BAIAP3: variants seen among roughly 807,000 people sequenced by gnomAD.
The protein encoded by BAIAP3 is BAI1-associated protein 3.
In BAIAP3, 180 loss-of-function variants were observed where a neutral mutation model predicts 149.7. The observed-to-expected ratio is 1.20, with a 90% CI of 1.07 to 1.36. The LOEUF (loss-of-function observed/expected upper bound fraction) is 1.36, where lower values mean the gene tolerates loss of function less well. BAIAP3 is among the 40% of genes most tolerant of loss of function. The probability of loss-of-function intolerance (pLI) is 0.00; values close to 1 mark genes in which losing one functional copy is unlikely to be tolerated. For synonymous variants in BAIAP3, 845 were observed against 670.7 expected, an observed-to-expected ratio of 1.26 and a Z score of -4.02; for missense variants, 1,767 against 1,563.4, an observed-to-expected ratio of 1.13 and a Z score of -2.20.
At position 1,347,837 on chromosome 16, in the gene BAIAP3, G is replaced by T. The variant is rs754823300; in HGVS notation, c.3025+16G>T. 4.4e-6 allele frequency: 7 copies of T among 1,603,870 alleles called. No individual in the cohort carries two copies. Among genetic ancestry groups the T allele is most frequent in the Non-Finnish European group, 6.0e-6 (7 of 1,174,438 alleles). ...GACGCCAACGGTGAGTTGCAGCGGG[G>T]ACGGGTCGGGTGGTGGTGGGATGGG... On this transcript the variant is annotated intron_variant, in intron 31 of 33. Coordinates refer to ENST00000426824, the MANE Select transcript of BAIAP3 (RefSeq NM_001199097.2).
At chr16:1,338,333 G>A (rs1057290682) in intron 1 of BAIAP3, among the ~76,000 whole-genome samples, 1 of 152,134 alleles carries the variant, frequency 6.6e-6, no homozygotes, top group African/African-American at 2.4e-5. Flanking sequence ...CCTGCAGGGG[G>A]CGCAGGGACT....
intron 28 of BAIAP3, 127 bp downstream of exon 28, chr16:1,347,082 A>G (rs2034428217): frequency 5.2e-6 from 5 of 964,782 alleles, no homozygotes; most frequent in Middle Eastern, 2.8e-4. Context: ...GGCTGTCCAC[A>G]GCGCCTCCTC....
At position 1,338,931 on chromosome 16, in the gene BAIAP3, C is replaced by G. The variant is rs1315741593; in HGVS notation, c.161C>G (p.Ala54Gly). The G allele has an allele frequency of 6.2e-7, 1 of 1,613,108 alleles. No individual in the cohort carries two copies. The highest frequency in any genetic ancestry group is 8.5e-7 in the Non-Finnish European group (1 of 1,179,948). ...WKPGDGVEFFAHMRLMLKKGE... is the reference protein window; with the variant it reads ...WKPGDGVEFFGHMRLMLKKGE... ...CCCGGGGATGGCGTGGAGTTCTTTG[C>G]CCACATGCGCCTCATGCTGAAGAAG... Residue 54 changes from alanine (A) to glycine (G), a missense_variant, in exon 3 of 34, where the codon GCC becomes GGC. By Grantham distance (60) the Ala-to-Gly change is moderately conservative. Coordinates refer to ENST00000426824, the MANE Select transcript of BAIAP3 (RefSeq NM_001199097.2).
In BAIAP3 at chr16:1,348,491, G is replaced by C; in HGVS notation, c.*9G>C. 1 of 1,600,354 alleles carries C rather than the reference G, an allele frequency of 6.2e-7. No homozygotes were observed. The highest frequency in any genetic ancestry group is 8.5e-7 in the Non-Finnish European group (1 of 1,174,522). On this transcript the variant is annotated 3_prime_UTR_variant, in exon 34 of 34. Coordinates refer to ENST00000426824, the MANE Select transcript of BAIAP3 (RefSeq NM_001199097.2). ...TGGAGGCGGACCCCTGAGTCCATCAGCTGCCAGCCCCGGCCCTGGCCCCCA... is the reference window on the plus strand; with the variant it reads ...TGGAGGCGGACCCCTGAGTCCATCACCTGCCAGCCCCGGCCCTGGCCCCCA...
Position 1,347,345 on chromosome 16 carries a change from G to A in BAIAP3, c.2799G>A (p.Glu933=), listed in dbSNP as rs369775221. ...CAGAGGGTCAGGGTTTGCCCCTGGA[G>A]AGCCTGAGGGATGGAAGCTACAAGG... ...FHAEGQGLPL[E]SLRDGSYKRL... is the part of the protein sequence containing the mutation. Residue 933 remains glutamate (E), a synonymous_variant, in exon 29 of 34, where the codon GAG becomes GAA. Transcript: ENST00000426824. 11 of 1,613,472 alleles carry A rather than the reference G, an allele frequency of 6.8e-6. No homozygotes were observed. The highest frequency in any genetic ancestry group is 4.0e-5 in the African/African-American group (3 of 74,916).
At chr16:1,338,452 C>CGGGGGGGGGGGGGGGG in intron 1 of BAIAP3, 88 bp from the exon 2 acceptor site, 3 of 211,092 alleles carry the variant, frequency 1.4e-5, no homozygotes, top group East Asian at 1.5e-4. Flanking sequence ...CACCTCTTCC[C>CGGGGGGGGGGGGGGGG]GCCCCACCCC....
At chr16:1,346,412 G>T in intron 25 of BAIAP3, 30 bp from the exon 26 acceptor site, 1 of 1,612,062 alleles carries the variant, frequency 6.2e-7, no homozygotes, top group South Asian at 1.1e-5. Context: ...GGTGCCCCCT[G>T]CCCGTGCTGA....
Position 1,348,853 on chromosome 16 carries a change from C to T in BAIAP3, c.*371C>T. The T allele has an allele frequency of 2.6e-6, 1 of 380,084 alleles. No homozygotes were observed. The highest frequency in any genetic ancestry group is 4.9e-6 in the Non-Finnish European group (1 of 204,182). The allele number at this position is 380,084 out of a possible 1,614,324, so 23.5% of individuals were successfully genotyped here. ...TCCAGGGACTCAGTGAGTGGCTGTG[C>T]TCTCTGCACAACGGGCAATGTGCAG... is the stretch of plus-strand genomic sequence containing the variant. On this transcript the variant is annotated 3_prime_UTR_variant, in exon 34 of 34. Coordinates refer to ENST00000426824, the MANE Select transcript of BAIAP3 (RefSeq NM_001199097.2).
intron 1 of BAIAP3, chr16:1,334,542 C>A: frequency 1.1e-6 from 1 of 884,138 alleles, no homozygotes; most frequent in South Asian, 1.7e-5. Flanking sequence ...CCTCGGGCTC[C>A]GGTCTCCTGC....
At chr16:1,334,252 C>T (rs932095939) in intron 1 of BAIAP3, among the ~76,000 whole-genome samples, 44 of 152,066 alleles carry the variant, frequency 2.9e-4, no homozygotes, top group Non-Finnish European at 5.7e-4. Context: ...TGCAAAGCGG[C>T]CCCTCCTTCA....
rs181154461 is a variant in BAIAP3 at position 1,345,223 on chromosome 16, G to A, written c.1941-26G>A. On this transcript the variant is annotated intron_variant, in intron 21 of 33. Transcript: ENST00000426824. ...TGGTTAAGGTGTCTGAGTCAGGGCCGAGCCCTCACAACCCTCCCACCACAG... is the reference window on the plus strand; with the variant it reads ...TGGTTAAGGTGTCTGAGTCAGGGCCAAGCCCTCACAACCCTCCCACCACAG... 175 of 1,611,418 alleles carry A rather than the reference G, an allele frequency of 1.1e-4. No homozygotes were observed. In the African/African-American group the frequency reaches 1.3e-3, roughly 12 times the overall value.
chr16:1,349,296 G>A lies in BAIAP3; in HGVS notation c.*814G>A. The A allele has an allele frequency of 1.1e-6, 1 of 926,990 alleles. No homozygotes were observed. The highest frequency in any genetic ancestry group is 2.2e-4 in the Middle Eastern group (1 of 4,572). The allele number at this position is 926,990 out of a possible 1,614,324, so 57.4% of individuals were successfully genotyped here. On this transcript the variant is annotated 3_prime_UTR_variant, in exon 34 of 34. Coordinates refer to ENST00000426824, the MANE Select transcript of BAIAP3 (RefSeq NM_001199097.2). Reference sequence around the variant, plus strand: ...CCGAGGCAGGACACAGAGCACAGCTGTGCTGGAAGTGTGGGGAGAACCCGG... The same window carrying A: ...CCGAGGCAGGACACAGAGCACAGCTATGCTGGAAGTGTGGGGAGAACCCGG...
In BAIAP3 at chr16:1,347,563, C is replaced by T. The variant is rs199818225; in HGVS notation, c.2842C>T (p.Arg948Trp). 62 of 1,610,488 alleles carry T rather than the reference C, an allele frequency of 3.8e-5. No individual in the cohort carries two copies. Among genetic ancestry groups the T allele is most frequent in the Non-Finnish European group, 4.8e-5 (57 of 1,178,928 alleles). ...CCTGCAGAGGCTGAAGGAGGAGCTG[C>T]GGCTGCACAAATGTTCCACCCGCGA... ...GSYKRLKEEL[R>W]LHKCSTRECI... Residue 948 changes from arginine (R) to tryptophan (W), a missense_variant, in exon 30 of 34, where the codon CGG (arginine) becomes TGG (tryptophan). Physicochemically the swap from Arg to Trp is moderately radical, Grantham distance 101. Coordinates refer to ENST00000426824, the MANE Select transcript of BAIAP3 (RefSeq NM_001199097.2).
intron 1 of BAIAP3, among the ~76,000 whole-genome samples, chr16:1,336,772 G>A (rs1016263880): frequency 3.3e-5 from 5 of 152,190 alleles, no homozygotes; most frequent in African/African-American, 7.2e-5. Context: ...CTGAGTGGGC[G>A]GTAGAACCTG....
chr16:1,345,799 G>T lies in BAIAP3; in HGVS notation c.2117G>T (p.Gly706Val), dbSNP rs2034313976. ...SRHSSSAATA[G>V]LCLSHIQELW... Reference sequence around the variant, plus strand: ...CACAGCAGCTCCGCAGCCACTGCTGGTCTCTGCCTCAGCCACATCCAGGAG... The same window carrying T: ...CACAGCAGCTCCGCAGCCACTGCTGTTCTCTGCCTCAGCCACATCCAGGAG... Residue 706 changes from glycine to valine, a missense_variant, in exon 23 of 34, where the codon GGT (glycine) becomes GTT (valine). Physicochemically the swap from Gly to Val is moderately radical, Grantham distance 109. Coordinates refer to ENST00000426824, the MANE Select transcript of BAIAP3 (RefSeq NM_001199097.2). 6.3e-7 allele frequency: 1 copy of T among 1,575,920 alleles called. No individual in the cohort carries two copies. The highest frequency in any genetic ancestry group is 1.2e-5 in the South Asian group (1 of 86,526).
Position 1,342,730 on chromosome 16 carries a change from C to A in BAIAP3, c.1077C>A (p.Ala359=), listed in dbSNP as rs779912148. The change falls in exon 13 of 34, where the codon GCC becomes GCA. Residue 359 remains alanine (A), a synonymous_variant. Transcript: ENST00000426824. ...GCTCTGCGTTGCAGAGGGATACGGC[C>A]ATGAGCCAGCGCGGGCGATCCGGCT... ...LKLITTQRDT[A]MSQRGRSGFL... 6.2e-7 allele frequency: 1 copy of A among 1,612,528 alleles called. No individual in the cohort carries two copies. Among genetic ancestry groups the A allele is most frequent in the South Asian group, 1.1e-5 (1 of 91,058 alleles).
chr16:1,336,353 T>C, intron 1 of BAIAP3: 2 of 985,288 alleles, frequency 2.0e-6, no homozygotes, highest in Non-Finnish European at 2.4e-6. Context: ...CCCCCCATCT[T>C]TTGGGGGGGA....
chr16:1,348,947 G>C lies in BAIAP3; in HGVS notation c.*465G>C. On this transcript the variant is annotated 3_prime_UTR_variant, in exon 34 of 34. Coordinates refer to ENST00000426824, the MANE Select transcript of BAIAP3 (RefSeq NM_001199097.2). The stretch of plus-strand genomic sequence containing the variant: ...CTGGCACCACTGGGTGGATGGTCCA[G>C]AGCCTCCACCCACAGAGGGGATGCA... 2 of 264,416 alleles carry C rather than the reference G, an allele frequency of 7.6e-6. No individual in the cohort carries two copies. Among genetic ancestry groups the C allele is most frequent in the South Asian group, 9.2e-5 (2 of 21,784 alleles). 16.4% of individuals were successfully genotyped at this position (264,416 alleles called of 1,614,324 possible). A position where few individuals can be genotyped will look rare whatever the true frequency, so the allele number is the denominator to read the frequency against.
Position 1,341,485 on chromosome 16 carries a change from C to A in BAIAP3, c.727C>A (p.Leu243Ile), listed in dbSNP as rs2033923264. The A allele has an allele frequency of 1.2e-6, 2 of 1,607,508 alleles. No individual in the cohort carries two copies. Among genetic ancestry groups the A allele is most frequent in the Non-Finnish European group, 1.7e-6 (2 of 1,176,244 alleles). The stretch of plus-strand genomic sequence containing the variant: ...GAACCCCGTCTGGAAGGAGCACTTC[C>A]TCTTGTGAGGCCCTCGCCCGTCTGG... ...TLNPVWKEHFLFEIEDVSTDQ... is the reference protein window; with the variant it reads ...TLNPVWKEHFIFEIEDVSTDQ... The change falls in exon 8 of 34, where the codon CTC (leucine) becomes ATC (isoleucine). Residue 243 changes from leucine (L) to isoleucine (I), a missense_variant. Coordinates refer to ENST00000426824, the MANE Select transcript of BAIAP3 (RefSeq NM_001199097.2).
Sources: allele counts gnomAD v4.1 joint callset (sites outside exome capture counted in the v4.1 genomes callset), GRCh38; gene constraint gnomAD v4.1.1; transcripts MANE v1.5; gene names NCBI Gene and HGNC (gene_info 2026-07-23, HGNC 2026-07-21).